Variants in ATP10D observed in about 807,000 individuals in gnomAD.
ATP10D encodes ATPase phospholipid transporting 10D (putative), also known as phospholipid-transporting ATPase VD.
Under a neutral mutation model 144.8 loss-of-function variants are expected in ATP10D, and 89 were observed. The observed-to-expected ratio is 0.61, with a 90% CI of 0.52 to 0.73. The LOEUF (loss-of-function observed/expected upper bound fraction) is 0.73. Ranked by LOEUF, ATP10D falls within the 30% of genes least tolerant of loss-of-function variation. ATP10D has a pLI of 0.00. For missense variants in ATP10D, 1,603 were observed against 1,714.8 expected, an observed-to-expected ratio of 0.93 and a Z score of 1.15; for synonymous variants, 571 against 615.1, an observed-to-expected ratio of 0.93 and a Z score of 1.06.
chr4:47,590,705 A>G (rs554583720), intron 22 of ATP10D, among the ~76,000 whole-genome samples: 1 of 152,208 alleles, frequency 6.6e-6, no homozygotes, highest in South Asian at 2.1e-4. Flanking sequence ...CTATGTGTCA[A>G]CACTCTGCCT....
chr4:47,562,923 A>G (rs531419975), intron 14 of ATP10D, among the ~76,000 whole-genome samples: 3 of 152,274 alleles, frequency 2.0e-5, no homozygotes, highest in African/African-American at 4.8e-5. Context: ...TTGCAGCAAC[A>G]TGGATGAAAC....
intron 18 of ATP10D, among the ~76,000 whole-genome samples, chr4:47,575,241 T>C (rs1246819740): frequency 2.6e-5 from 4 of 152,172 alleles, no homozygotes; most frequent in Non-Finnish European, 5.9e-5. Context: ...AAGAATCAAT[T>C]AGAAGTATCC....
At chr4:47,575,970 C>G (rs1002956502) in intron 18 of ATP10D, among the ~76,000 whole-genome samples, 1 of 127,584 alleles carries the variant, frequency 7.8e-6, no homozygotes, top group East Asian at 2.4e-4. Context: ...CTCGCTCTGT[C>G]GCCCAGGCTG....
intron 19 of ATP10D, among the ~76,000 whole-genome samples, chr4:47,577,490 C>T (rs1490385328): frequency 6.6e-6 from 1 of 152,064 alleles, no homozygotes; most frequent in South Asian, 2.1e-4. Flanking sequence ...TTTAACTTGC[C>T]TGTGCTGCAG....
chr4:47,572,338 C>A, intron 17 of ATP10D, 108 bp downstream of exon 17: 3 of 979,074 alleles, frequency 3.1e-6, no homozygotes, highest in Middle Eastern at 2.5e-4. Context: ...GTGTGGCTAG[C>A]TGAGGAGTGG....
Position 47,576,817 on chromosome 4 carries a change from T to C in ATP10D, c.3411T>C (p.Phe1137=). 1.2e-6 allele frequency: 2 copies of C among 1,614,190 alleles called. No homozygotes were observed. The highest frequency in any genetic ancestry group is 1.7e-6 in the Non-Finnish European group (2 of 1,180,020). Residue 1137 remains phenylalanine (F), a synonymous_variant, in exon 19 of 23, where the codon TTT becomes TTC. Coordinates refer to ENST00000273859, the MANE Select transcript of ATP10D (RefSeq NM_020453.4). ...TCTGGTACCAGTTCTTTTGTGGATT[T>C]TCAGGAACATCCATGACTGATTACT... The part of the protein sequence containing the change: ...LLFWYQFFCG[F]SGTSMTDYWV...
At chr4:47,584,346 A>G (rs1720677441) in intron 21 of ATP10D, among the ~76,000 whole-genome samples, 1 of 151,704 alleles carries the variant, frequency 6.6e-6, no homozygotes, top group Non-Finnish European at 1.5e-5. Flanking sequence ...TCACTATCTC[A>G]CTTGCCAAAG....
intron 15 of ATP10D, among the ~76,000 whole-genome samples, chr4:47,568,390 C>T (rs1719750357): frequency 6.6e-6 from 1 of 152,128 alleles, no homozygotes; most frequent in Non-Finnish European, 1.5e-5. Context: ...TGTGTCATGC[C>T]TTACACTAGG....
At chr4:47,514,754 G>T (rs756515970) in intron 2 of ATP10D, among the ~76,000 whole-genome samples, 1 of 152,106 alleles carries the variant, frequency 6.6e-6, no homozygotes, top group African/African-American at 2.4e-5. Flanking sequence ...TTTGAGGCTT[G>T]TTTAAATCTA....
chr4:47,519,920 G>A (rs557561770), intron 3 of ATP10D, among the ~76,000 whole-genome samples: 121 of 152,146 alleles, frequency 8.0e-4, no homozygotes, highest in African/African-American at 2.6e-3. Flanking sequence ...TATTAATATC[G>A]GTATATGTTT....
At chr4:47,501,169 A>C (rs1715662855) in intron 1 of ATP10D, among the ~76,000 whole-genome samples, 1 of 152,208 alleles carries the variant, frequency 6.6e-6, no homozygotes, top group Non-Finnish European at 1.5e-5. Flanking sequence ...GAAGTAAGTA[A>C]GGAAATAAGA....
chr4:47,563,352 C>T (rs771853023), intron 14 of ATP10D, among the ~76,000 whole-genome samples: 1 of 152,072 alleles, frequency 6.6e-6, no homozygotes, highest in Non-Finnish European at 1.5e-5. Context: ...AAAAGGAGAA[C>T]GAGTAAGTTT....
At chr4:47,549,581 A>G (rs967162060) in intron 10 of ATP10D, among the ~76,000 whole-genome samples, 1 of 152,240 alleles carries the variant, frequency 6.6e-6, no homozygotes, top group African/African-American at 2.4e-5. Flanking sequence ...ACATGGGGAT[A>G]TAAAGTGAAT....
chr4:47,582,185 G>T (rs1171239338), intron 21 of ATP10D, 121 bp downstream of exon 21: 1 of 798,310 alleles, frequency 1.3e-6, no homozygotes, highest in Non-Finnish European at 2.1e-6. Context: ...TATGGGAGAA[G>T]GGTGATCACA....
chr4:47,590,724 T>C (rs958575260), intron 22 of ATP10D, among the ~76,000 whole-genome samples: 22 of 152,124 alleles, frequency 1.4e-4, no homozygotes, highest in African/African-American at 4.8e-4. Flanking sequence ...CTGCTTTGTA[T>C]GTATTGTCTC....
At chr4:47,591,005 G>A (rs1180693591) in intron 22 of ATP10D, 37 bp from the exon 23 acceptor site, 27 of 1,358,188 alleles carry the variant, frequency 2.0e-5, no homozygotes, top group Non-Finnish European at 2.4e-5. Flanking sequence ...ATGCATTTGA[G>A]ATGAATTTAA....
chr4:47,506,350 AATT>A (rs10567972), intron 1 of ATP10D, among the ~76,000 whole-genome samples: 5,410 of 152,222 alleles, frequency 0.036, 336 homozygotes, highest in African/African-American at 0.12. Context: ...TGTAAACAGT[AATT>A]ATTATTAAAG....
intron 1 of ATP10D, among the ~76,000 whole-genome samples, chr4:47,500,047 TTAAAGATATTCTAG>T (rs969563528): frequency 2.0e-5 from 3 of 152,222 alleles, no homozygotes; most frequent in African/African-American, 7.2e-5. Flanking sequence ...TATAAGATTG[TTAAAGATATTCTAG>T]TCTTTGCTGC....
intron 5 of ATP10D, among the ~76,000 whole-genome samples, chr4:47,535,134 A>G (rs189190167): frequency 6.6e-6 from 1 of 152,188 alleles, no homozygotes; most frequent in Non-Finnish European, 1.5e-5. Context: ...AGACACAAAG[A>G]TAAGAATAAT....
Sources: gnomAD v4.1 joint callset for allele counts (sites outside exome capture counted in the v4.1 genomes callset) on GRCh38, gnomAD v4.1.1 for gene constraint, MANE v1.5 for transcripts, NCBI Gene and HGNC (gene_info 2026-07-23, HGNC 2026-07-21) for gene names.